The following KAZN variants were observed in gnomAD, a reference collection of about 807,000 sequenced individuals.
The protein encoded by KAZN is kazrin, periplakin interacting protein, also known as kazrin.
KAZN carries 40 observed loss-of-function variants against 87.4 expected under a neutral mutation model. The observed-to-expected ratio is 0.46, with a 90% CI of 0.36 to 0.60. The LOEUF (loss-of-function observed/expected upper bound fraction) is 0.60. KAZN is among the 20% of genes least tolerant of loss of function. The pLI, the probability that KAZN is intolerant of heterozygous loss-of-function variation, is 0.00. For synonymous variants in KAZN, 466 were observed against 458.3 expected (o/e 1.02, Z -0.22); for missense variants, 898 against 1,073.9 (o/e 0.84, Z 2.29).
chr1:14,698,341 G>A (rs1332656069), intron 1 of KAZN, among the ~76,000 whole-genome samples: 1 of 152,148 alleles, frequency 6.6e-6, no homozygotes, highest in Non-Finnish European at 1.5e-5. Context: ...GTGGGATGGG[G>A]GCATCTGCCG....
intron 2 of KAZN, among the ~76,000 whole-genome samples, chr1:14,428,064 G>GTA (rs1557714650): frequency 6.6e-6 from 1 of 152,174 alleles, no homozygotes; most frequent in Non-Finnish European, 1.5e-5. Flanking sequence ...CACATTCTAT[G>GTA]TAAGTCTCAC....
intron 1 of KAZN, among the ~76,000 whole-genome samples, chr1:14,171,089 G>C (rs1475183250): frequency 3.9e-5 from 6 of 152,162 alleles, no homozygotes; most frequent in Non-Finnish European, 8.8e-5. Context: ...ATGTTTTCTA[G>C]ATTCATCCAC....
intron 1 of KAZN, among the ~76,000 whole-genome samples, chr1:14,877,214 C>T (rs1428215012): frequency 6.6e-6 from 1 of 152,210 alleles, no homozygotes; most frequent in Non-Finnish European, 1.5e-5. Flanking sequence ...CCGTTACTCC[C>T]TTTGTGTATT....
chr1:14,734,308 CTT>C (rs57677032), intron 1 of KAZN, among the ~76,000 whole-genome samples: 73,257 of 118,264 alleles, frequency 0.62, 22,239 homozygotes, highest in African/African-American at 0.76. Flanking sequence ...TTTTTCTTTT[CTT>C]TTTTTTTTTT....
Position 14,882,148 on chromosome 1 carries a change from C to T in KAZN, c.227-78536C>T, listed in dbSNP as rs775084025. ...TGTGAGTAGCCAGAGACTGGCTCAT[C>T]CTCTCGCCTTGCCCTACAGTTTTTC... On this transcript the variant is annotated intron_variant, in intron 1 of 14. Transcript: ENST00000376030. 2.8e-4 allele frequency among the ~76,000 whole-genome samples: 42 copies of T among 152,280 alleles called. 1 individual carries two copies. The highest frequency in any genetic ancestry group is 6.8e-3 in the Middle Eastern group (2 of 294).
At chr1:15,092,060 G>GTTTTTTTTTTTTTT (rs57460680) in intron 8 of KAZN, among the ~76,000 whole-genome samples, 1 of 114,440 alleles carries the variant, frequency 8.7e-6, no homozygotes, top group African/African-American at 3.3e-5. Context: ...TTGTTTTTTT[G>GTTTTTTTTTTTTTT]TTTTTTTTTT....
chr1:14,897,121 G>A (rs1655364049), intron 1 of KAZN, among the ~76,000 whole-genome samples: 1 of 152,064 alleles, frequency 6.6e-6, no homozygotes. Flanking sequence ...CCCTCTTCTG[G>A]GTGTCAGCTT....
chr1:14,721,816 A>C (rs1485007486), intron 1 of KAZN, among the ~76,000 whole-genome samples: 1 of 152,160 alleles, frequency 6.6e-6, no homozygotes, highest in Admixed American at 6.5e-5. Context: ...TGGATAAATA[A>C]GTAGAAATAC....
chr1:15,013,125 G>T (rs373891810), intron 2 of KAZN, among the ~76,000 whole-genome samples: 25 of 152,222 alleles, frequency 1.6e-4, no homozygotes, highest in Admixed American at 3.9e-4. Flanking sequence ...CCATGGATTT[G>T]CAATAAGGCC....
intron 1 of KAZN, among the ~76,000 whole-genome samples, chr1:14,605,777 A>G (rs1467973797): frequency 6.6e-6 from 1 of 152,122 alleles, no homozygotes; most frequent in African/African-American, 2.4e-5. Flanking sequence ...ATTCAAACCT[A>G]TGTTCTTCCA....
At chr1:14,022,794 T>G (rs1282933652) in intron 1 of KAZN, among the ~76,000 whole-genome samples, 1 of 152,038 alleles carries the variant, frequency 6.6e-6, no homozygotes, top group African/African-American at 2.4e-5. Context: ...AGTAATAGAG[T>G]TTTCCAGATT....
intron 1 of KAZN, among the ~76,000 whole-genome samples, chr1:14,801,594 A>T (rs965274719): frequency 6.6e-6 from 1 of 152,124 alleles, no homozygotes; most frequent in South Asian, 2.1e-4. Flanking sequence ...CAGGAGGGCT[A>T]TGACGGCCTG....
intron 2 of KAZN, among the ~76,000 whole-genome samples, chr1:14,428,589 T>G (rs932400329): frequency 2.0e-5 from 3 of 152,210 alleles, no homozygotes; most frequent in Non-Finnish European, 2.9e-5. Flanking sequence ...TACCTAAGAC[T>G]GAGTAATTTA....
intron 1 of KAZN, among the ~76,000 whole-genome samples, chr1:13,931,519 T>C (rs1295255644): frequency 3.3e-5 from 5 of 151,966 alleles, no homozygotes; most frequent in African/African-American, 1.2e-4. Context: ...TGCTTTTTTC[T>C]TGAAAGATGC....
chr1:15,031,933 C>T (rs1189028773), intron 2 of KAZN, among the ~76,000 whole-genome samples: 2 of 152,012 alleles, frequency 1.3e-5, no homozygotes, highest in Non-Finnish European at 2.9e-5. Flanking sequence ...TTCTTAACAG[C>T]TTTATTGACA....
chr1:14,183,908 T>A (rs1463287539), intron 2 of KAZN, among the ~76,000 whole-genome samples: 13 of 76,852 alleles, frequency 1.7e-4, no homozygotes, highest in Admixed American at 5.2e-4. Flanking sequence ...TCTGCTGACC[T>A]AAGGAGGCTG....
chr1:14,597,033 C>T (rs963859490), upstream of KAZN, among the ~76,000 whole-genome samples: 15 of 152,174 alleles, frequency 9.9e-5, no homozygotes, highest in Non-Finnish European at 8.8e-5. Context: ...GGCTGCACCA[C>T]GGCATCCCCC....
intron 1 of KAZN, among the ~76,000 whole-genome samples, chr1:14,915,347 G>C (rs1464179365): frequency 6.6e-6 from 1 of 152,190 alleles, no homozygotes; most frequent in Non-Finnish European, 1.5e-5. Context: ...GCATAGAGGT[G>C]GCAGTGCTCA....
intron 2 of KAZN, among the ~76,000 whole-genome samples, chr1:14,496,490 A>G (rs1171581430): frequency 6.6e-6 from 1 of 152,204 alleles, no homozygotes; most frequent in Non-Finnish European, 1.5e-5. Flanking sequence ...TTATTTTCAT[A>G]AAGGCCAGAG....
Sources: allele counts gnomAD v4.1 joint callset (sites outside exome capture counted in the v4.1 genomes callset), GRCh38; gene constraint gnomAD v4.1.1; transcripts MANE v1.5; gene names NCBI Gene and HGNC (gene_info 2026-07-23, HGNC 2026-07-21).